WDR27: variants seen among roughly 807,000 people sequenced by gnomAD.
WDR27 encodes the protein WD repeat-containing protein 27.
In WDR27, 100 loss-of-function variants were observed where a neutral mutation model predicts 114.4. The observed-to-expected ratio is 0.87, with a 90% CI of 0.74 to 1.03. WDR27 has a LOEUF of 1.03. Among genes scored for constraint, WDR27 ranks in the 50% least tolerant of loss-of-function variants. WDR27 has a pLI of 0.00. For missense variants in WDR27, 1,129 were observed against 1,092.9 expected, an observed-to-expected ratio of 1.03 and a Z score of -0.47; for synonymous variants, 449 against 423.1, an observed-to-expected ratio of 1.06 and a Z score of -0.75.
the WDR27 span, among the ~76,000 whole-genome samples, chr6:169,427,577 T>C: frequency 6.6e-6 from 1 of 152,260 alleles, no homozygotes; most frequent in Non-Finnish European, 1.5e-5. Flanking sequence ...CTCCTGGGTC[T>C]CTGGTGTCTT....
At chr6:169,657,059 G>A (rs905660459) in intron 13 of WDR27, among the ~76,000 whole-genome samples, 3 of 152,134 alleles carry the variant, frequency 2.0e-5, no homozygotes, top group African/African-American at 4.8e-5. Flanking sequence ...AGTTCACACC[G>A]ACAGTGGGTC....
At chr6:169,514,831 T>C (rs996421636) in intron 25 of WDR27, among the ~76,000 whole-genome samples, 14 of 150,104 alleles carry the variant, frequency 9.3e-5, no homozygotes, top group African/African-American at 3.4e-4. Context: ...CATACATTCT[T>C]AGCAAACAAG....
At chr6:169,595,323 G>T (rs1806569707) in intron 23 of WDR27, among the ~76,000 whole-genome samples, 1 of 152,138 alleles carries the variant, frequency 6.6e-6, no homozygotes, top group Non-Finnish European at 1.5e-5. Flanking sequence ...AAAAATGGTA[G>T]AATTCTTCTT....
the WDR27 span, chr6:169,426,973 T>TGGGGGG: frequency 5.7e-5 from 2 of 35,120 alleles, no homozygotes; most frequent in Non-Finnish European, 1.6e-4. Flanking sequence ...GTGGGGGCAG[T>TGGGGGG]GGGGGGGGGG....
intron 25 of WDR27, among the ~76,000 whole-genome samples, chr6:169,561,263 C>A (rs1427534092): frequency 6.6e-6 from 1 of 152,078 alleles, no homozygotes; most frequent in African/African-American, 2.4e-5. Context: ...TTTATGGGGG[C>A]ATTAATTCCT....
intron 1 of WDR27, among the ~76,000 whole-genome samples, chr6:169,697,457 A>G (rs951885838): frequency 3.3e-5 from 5 of 152,018 alleles, no homozygotes; most frequent in Admixed American, 2.6e-4. Flanking sequence ...GAGAGTTTAG[A>G]GAAGACTCTA....
Position 169,647,970 on chromosome 6 carries a change from T to C in WDR27, c.1560-100A>G, listed in dbSNP as rs576826051. 95 of 742,504 alleles carry C rather than the reference T, an allele frequency of 1.3e-4. 1 individual carries two copies. In the South Asian group the frequency reaches 1.5e-3, roughly 12 times the overall value. The allele number at this position is 742,504 out of a possible 1,614,324, so 46.0% of individuals were successfully genotyped here. A position where few individuals can be genotyped will look rare whatever the true frequency, so the allele number is the denominator to read the frequency against. On this transcript the variant is annotated intron_variant, in intron 15 of 25. Coordinates refer to ENST00000448612, the MANE Select transcript of WDR27 (RefSeq NM_182552.5). Reference sequence around the variant, plus strand: ...CGAAGTGGGCTTCCCCCCATCTACATGTATAATCGTATTCCAGTAAACTTG... The same window carrying C: ...CGAAGTGGGCTTCCCCCCATCTACACGTATAATCGTATTCCAGTAAACTTG...
chr6:169,480,025 G>A lies in WDR27; in HGVS notation c.2646-22391C>T, dbSNP rs572605467. ...CAGAGCCGGCTCCCTCTGCTTGCGG[G>A]GAGGTGTGGAGGGAGAGGCGTGGGC... On this transcript the variant is annotated intron_variant, in intron 25 of 25. Transcript: ENST00000448612. 3.9e-5 allele frequency among the ~76,000 whole-genome samples: 6 copies of A among 152,358 alleles called. No individual in the cohort carries two copies. The East Asian group carries it at 1.2e-3, about 29-fold the overall frequency.
intron 23 of WDR27, among the ~76,000 whole-genome samples, chr6:169,591,173 G>C (rs998827264): frequency 4.6e-5 from 7 of 152,110 alleles, no homozygotes; most frequent in Non-Finnish European, 8.8e-5. Context: ...GGTGTGAGGT[G>C]GTGTCTCAAT....
rs141918991 is a variant in WDR27, at chr6:169,532,732, T to C, written c.2645+39687A>G. ...TATATTTGTTGTTGGGTAAAACATGTTCTTTTCATAGTTGGTTAACTGAAA... is the reference window on the plus strand; with the variant it reads ...TATATTTGTTGTTGGGTAAAACATGCTCTTTTCATAGTTGGTTAACTGAAA... On this transcript the variant is annotated intron_variant, in intron 25 of 25. Coordinates refer to ENST00000448612, the MANE Select transcript of WDR27 (RefSeq NM_182552.5). 1.8e-3 allele frequency among the ~76,000 whole-genome samples: 279 copies of C among 152,248 alleles called. 4 individuals are homozygous for C. The East Asian group carries it at 0.03, about 16-fold the overall frequency.
rs936433098 is a variant in WDR27 at position 169,457,220 on chromosome 6, A to G, written c.*372T>C. ...AGACCAGAGCCAGTTAGGACTGTTA[A>G]CTGCTTTATTTTCACTGCCCAAAAG... On this transcript the variant is annotated 3_prime_UTR_variant, in exon 26 of 26. Transcript: ENST00000448612. 1 of 191,420 alleles carries G rather than the reference A, an allele frequency of 5.2e-6. No individual in the cohort carries two copies. The highest frequency in any genetic ancestry group is 1.1e-5 in the Non-Finnish European group (1 of 92,276). 11.9% of individuals were successfully genotyped at this position (191,420 alleles called of 1,614,324 possible). A position where few individuals can be genotyped will look rare whatever the true frequency, so the allele number is the denominator to read the frequency against.
chr6:169,660,139 C>T lies in WDR27; in HGVS notation c.1129+524G>A, dbSNP rs186238283. 7.4e-4 allele frequency among the ~76,000 whole-genome samples: 85 copies of T among 114,600 alleles called. 1 individual carries two copies. The East Asian group carries it at 0.021, about 29-fold the overall frequency. The allele number at this position is 114,600 out of a possible 152,430, so 75.2% of individuals were successfully genotyped here. A position where few individuals can be genotyped will look rare whatever the true frequency, so the allele number is the denominator to read the frequency against. ...CCTGGGCTCCTGGGCAGAAAGAGTG[C>T]GGCTGGTGGCATCCATGGAGTTAGG... is the stretch of plus-strand genomic sequence containing the variant. On this transcript the variant is annotated intron_variant, in intron 10 of 25. Coordinates refer to ENST00000448612, the MANE Select transcript of WDR27 (RefSeq NM_182552.5).
chr6:169,617,004 G>A (rs912656593), intron 21 of WDR27, among the ~76,000 whole-genome samples: 1 of 152,112 alleles, frequency 6.6e-6, no homozygotes, highest in African/African-American at 2.4e-5. Flanking sequence ...AAGCAACAGG[G>A]AGATATGGGG....
chr6:169,640,097 G>A (rs1378729872), intron 17 of WDR27, among the ~76,000 whole-genome samples: 1 of 152,118 alleles, frequency 6.6e-6, no homozygotes, highest in East Asian at 1.9e-4. Context: ...CATGCTTCCT[G>A]ACGACAAATG....
intron 21 of WDR27, among the ~76,000 whole-genome samples, chr6:169,625,624 G>A (rs1299879894): frequency 3.9e-5 from 6 of 152,242 alleles, no homozygotes; most frequent in African/African-American, 1.4e-4. Context: ...TGGGCTCACT[G>A]TCAGGTGGGT....
chr6:169,511,717 C>A (rs1792915273), intron 25 of WDR27, among the ~76,000 whole-genome samples: 1 of 152,080 alleles, frequency 6.6e-6, no homozygotes, highest in African/African-American at 2.4e-5. Context: ...TTTGCCAACT[C>A]TTGCTCTAGA....
chr6:169,645,048 A>AAAAAAAAAAAAAAAAAAAAAAAAAAT, intron 16 of WDR27, among the ~76,000 whole-genome samples: 1 of 59,070 alleles, frequency 1.7e-5, no homozygotes, highest in Non-Finnish European at 2.9e-5. Context: ...AAAAAAAAAA[A>AAAAAAAAAAAAAAAAAAAAAAAAAAT]AAAAAAAAAA....
intron 16 of WDR27, among the ~76,000 whole-genome samples, chr6:169,647,418 AT>A (rs1821052960): frequency 6.6e-6 from 1 of 152,230 alleles, no homozygotes; most frequent in Non-Finnish European, 1.5e-5. Flanking sequence ...TGACTGTTCC[AT>A]TAGCTTCTTT....
At chr6:169,471,349 T>G (rs1189570104) in intron 25 of WDR27, among the ~76,000 whole-genome samples, 1 of 152,080 alleles carries the variant, frequency 6.6e-6, no homozygotes, top group East Asian at 1.9e-4. Context: ...CCAAACTTCT[T>G]AATTACAAAA....
Sources: gnomAD v4.1 joint callset for allele counts (sites outside exome capture counted in the v4.1 genomes callset) on GRCh38, gnomAD v4.1.1 for gene constraint, MANE v1.5 for transcripts, NCBI Gene and HGNC (gene_info 2026-07-23, HGNC 2026-07-21) for gene names.